The following RIGI variants were observed in gnomAD, a reference collection of about 807,000 sequenced individuals.
RIGI encodes antiviral innate immune response receptor RIG-I.
At chr9:32,456,556 C>T in the RIGI span, 1 of 154,382 alleles carries the variant, frequency 6.5e-6, no homozygotes, top group South Asian at 2.0e-4. Context: ...AAGGGATCAG[C>T]AAAGAGGAGG....
the RIGI span, chr9:32,500,742 T>G: frequency 6.4e-7 from 1 of 1,562,372 alleles, no homozygotes; most frequent in Non-Finnish European, 8.7e-7. Flanking sequence ...CTTTTCACTT[T>G]TACAGTATTG....
chr9:32,507,319 G>C, the RIGI span, among the ~76,000 whole-genome samples: 1 of 152,150 alleles, frequency 6.6e-6, no homozygotes, highest in Non-Finnish European at 1.5e-5. Context: ...AGCTTTTTAA[G>C]AATTGGAGGA....
the RIGI span, chr9:32,500,832 CA>C: frequency 6.2e-7 from 1 of 1,614,098 alleles, no homozygotes. Flanking sequence ...TCCAAAAAGC[CA>C]CGGAACCAGC....
the RIGI span, among the ~76,000 whole-genome samples, chr9:32,499,305 G>A: frequency 3.7e-5 from 3 of 80,170 alleles, no homozygotes; most frequent in South Asian, 1.5e-3. Flanking sequence ...TTCTCCCAGA[G>A]TTTGTGATTT....
the RIGI span, chr9:32,492,528 G>GTT: frequency 6.2e-7 from 1 of 1,614,134 alleles, no homozygotes; most frequent in East Asian, 2.2e-5. Flanking sequence ...CATCCCCTTA[G>GTT]TAGAGCAAAT....
chr9:32,488,241 T>C, the RIGI span: 38 of 1,595,984 alleles, frequency 2.4e-5, no homozygotes, highest in African/African-American at 3.2e-4. Context: ...CTAACCACGA[T>C]GTGGATAAGG....
the RIGI span, among the ~76,000 whole-genome samples, chr9:32,523,022 G>A: frequency 6.6e-6 from 1 of 152,032 alleles, no homozygotes; most frequent in South Asian, 2.1e-4. Context: ...GAGACACCAG[G>A]CCCCTCATTT....
At chr9:32,499,106 A>G in the RIGI span, among the ~76,000 whole-genome samples, 1 of 152,010 alleles carries the variant, frequency 6.6e-6, no homozygotes, top group Admixed American at 6.6e-5. Context: ...CTAATTTACA[A>G]TTCCCAAATT....
chr9:32,526,177 G>C, the RIGI span: 2 of 1,607,914 alleles, frequency 1.2e-6, no homozygotes. Flanking sequence ...GCCGGCCTCT[G>C]CTTGCAGCTA....
At chr9:32,505,426 T>C in the RIGI span, among the ~76,000 whole-genome samples, 3 of 152,168 alleles carry the variant, frequency 2.0e-5, no homozygotes, top group East Asian at 3.8e-4. Flanking sequence ...TTGTACTCTA[T>C]AAATTAGCAT....
At chr9:32,524,066 G>T in the RIGI span, among the ~76,000 whole-genome samples, 753 of 151,924 alleles carry the variant, frequency 5.0e-3, 5 homozygotes, top group African/African-American at 0.017. Flanking sequence ...AAATATCTGG[G>T]AAGCTTTGGC....
the RIGI span, among the ~76,000 whole-genome samples, chr9:32,499,303 G>C: frequency 8.6e-6 from 1 of 116,926 alleles, no homozygotes; most frequent in Non-Finnish European, 1.7e-5. Flanking sequence ...TCTTCTCCCA[G>C]AGTTTGTGAT....
chr9:32,485,386 G>C, the RIGI span: 1,139 of 775,994 alleles, frequency 1.5e-3, 8 homozygotes, highest in African/African-American at 0.017. Context: ...CTCTGCCTTT[G>C]ATACTTCCTC....
the RIGI span, among the ~76,000 whole-genome samples, chr9:32,477,916 C>T: frequency 6.6e-6 from 1 of 151,744 alleles, no homozygotes; most frequent in Non-Finnish European, 1.5e-5. Context: ...GAGAATGATA[C>T]TCTGTCTCAA....
At chr9:32,485,517 G>T in the RIGI span, 2 of 557,810 alleles carry the variant, frequency 3.6e-6, no homozygotes, top group Non-Finnish European at 3.3e-6. Context: ...TCATGGTGTA[G>T]GTCTAACTAG....
the RIGI span, among the ~76,000 whole-genome samples, chr9:32,460,538 C>T: frequency 6.6e-6 from 1 of 151,720 alleles, no homozygotes; most frequent in Non-Finnish European, 1.5e-5. Flanking sequence ...GATTTTAAAG[C>T]ACCTAATAAA....
chr9:32,481,521 T>A, the RIGI span: 1 of 1,391,574 alleles, frequency 7.2e-7, no homozygotes, highest in Non-Finnish European at 9.9e-7. Context: ...AAAAAAAAGT[T>A]TTTCACTGTC....
chr9:32,459,507 T>A, the RIGI span: 1 of 1,603,430 alleles, frequency 6.2e-7, no homozygotes, highest in Non-Finnish European at 8.5e-7. Context: ...AGTCTGTATA[T>A]GCAGAATCTA....
At chr9:32,477,080 G>C in the RIGI span, 1 of 1,614,044 alleles carries the variant, frequency 6.2e-7, no homozygotes, top group Non-Finnish European at 8.5e-7. Context: ...TTCAAGTTTA[G>C]GATTCTCATT....
Sources: allele counts gnomAD v4.1 joint callset (sites outside exome capture counted in the v4.1 genomes callset), GRCh38; gene constraint gnomAD v4.1.1; transcripts MANE v1.5; gene names NCBI Gene and HGNC (gene_info 2026-07-23, HGNC 2026-07-21).